CTBP2: variants seen among roughly 807,000 people sequenced by gnomAD.
The protein encoded by CTBP2 is C-terminal binding protein 2, also known as C-terminal-binding protein 2.
CTBP2 carries 30 observed loss-of-function variants against 80.3 expected under a neutral mutation model. The ratio of observed to expected loss-of-function variants is 0.37; its 90% CI spans 0.28 to 0.51. CTBP2 has a LOEUF of 0.51. Among genes scored for constraint, CTBP2 ranks in the 20% least tolerant of loss-of-function variants. The pLI is 0.93. For synonymous variants in CTBP2, 594 were observed against 587.4 expected (o/e 1.01, Z -0.16); for missense variants, 1,212 against 1,375.3 (o/e 0.88, Z 1.88).
At chr10:125,048,971 C>G (rs890172043) in intron 2 of CTBP2, among the ~76,000 whole-genome samples, 1 of 151,892 alleles carries the variant, frequency 6.6e-6, no homozygotes, top group Non-Finnish European at 1.5e-5. Flanking sequence ...ATTTTTCCAA[C>G]TTTCCCCAGG....
At chr10:125,007,589 T>C (rs1433564239) in intron 1 of CTBP2, among the ~76,000 whole-genome samples, 2 of 152,230 alleles carry the variant, frequency 1.3e-5, no homozygotes, top group Non-Finnish European at 2.9e-5. Context: ...GGGGAGCTGC[T>C]GCTTTCTCGG....
intron 1 of CTBP2, among the ~76,000 whole-genome samples, chr10:125,133,034 T>C (rs1856428578): frequency 6.6e-6 from 1 of 152,200 alleles, no homozygotes; most frequent in African/African-American, 2.4e-5. Flanking sequence ...GGCCTGCCTG[T>C]GGCCCACATC....
intron 1 of CTBP2, among the ~76,000 whole-genome samples, chr10:125,111,979 G>C (rs1368472302): frequency 1.3e-5 from 2 of 152,166 alleles, no homozygotes; most frequent in East Asian, 3.9e-4. Context: ...CCACGAGAGA[G>C]GGAAGAGGCA....
intron 1 of CTBP2, among the ~76,000 whole-genome samples, chr10:125,154,638 C>CCGAGTGT (rs962835530): frequency 2.0e-5 from 2 of 101,978 alleles, no homozygotes; most frequent in Non-Finnish European, 3.9e-5. Context: ...CTGGTTCTCA[C>CCGAGTGT]CGAGTGTCGT....
chr10:125,070,564 A>G (rs1308236952), intron 2 of CTBP2, among the ~76,000 whole-genome samples: 1 of 149,394 alleles, frequency 6.7e-6, no homozygotes, highest in Non-Finnish European at 1.5e-5. Context: ...CTAAAAAATG[A>G]TAATGATAAT....
intron 1 of CTBP2, among the ~76,000 whole-genome samples, chr10:125,120,542 A>G (rs1399194861): frequency 6.6e-6 from 1 of 151,980 alleles, no homozygotes; most frequent in Non-Finnish European, 1.5e-5. Flanking sequence ...ATGCACCACC[A>G]CGCCCAGCTA....
chr10:125,009,901 A>C (rs1052010241), intron 1 of CTBP2, among the ~76,000 whole-genome samples: 3 of 152,138 alleles, frequency 2.0e-5, no homozygotes, highest in Non-Finnish European at 4.4e-5. Flanking sequence ...TTGCTTTGTA[A>C]ACATGTTTAA....
chr10:125,102,092 T>C (rs80240756), intron 2 of CTBP2, among the ~76,000 whole-genome samples: 9,377 of 152,260 alleles, frequency 0.062, 295 homozygotes, highest in Non-Finnish European at 0.075. Context: ...TACTGTTTCA[T>C]TGAATCCCCA....
In CTBP2 at chr10:125,027,230, C is replaced by A. The variant is rs371252442; in HGVS notation, c.530G>T (p.Arg177Leu). Residue 177 changes from arginine to leucine, a missense_variant, in exon 1 of 9, where the codon CGG (arginine) becomes CTG (leucine). Physicochemically the swap from Arg to Leu is moderately radical, Grantham distance 102. This residue lies in a region of CTBP2 where 848 missense variants were observed against 782.3 expected (regional missense o/e 1.08). Transcript: ENST00000309035. ...AGATGCAGCCCTGCTCTGTGTCTGC[C>A]GCCCCTGAGGGATCATTTTACCTCC... 2 of 1,613,324 alleles carry A rather than the reference C, an allele frequency of 1.2e-6. No homozygotes were observed. The highest frequency in any genetic ancestry group is 1.7e-6 in the Non-Finnish European group (2 of 1,179,808).
chr10:124,995,887 T>A (rs1469367159), intron 4 of CTBP2, among the ~76,000 whole-genome samples: 1 of 151,454 alleles, frequency 6.6e-6, no homozygotes, highest in Non-Finnish European at 1.5e-5. Flanking sequence ...CCGCCTGCCT[T>A]CCCCCGTTCC....
At chr10:125,132,700 T>C (rs1158848657) in intron 1 of CTBP2, among the ~76,000 whole-genome samples, 1 of 152,190 alleles carries the variant, frequency 6.6e-6, no homozygotes, top group Non-Finnish European at 1.5e-5. Context: ...CTTATAAACT[T>C]ATTTGAATAA....
chr10:125,027,466 C>A lies in CTBP2; in HGVS notation c.294G>T (p.Val98=), dbSNP rs1957758832. Residue 98 remains valine (V), a synonymous_variant, in exon 1 of 9, where the codon GTG becomes GTT. Transcript: ENST00000309035. Reference sequence around the variant, plus strand: ...GCAGCAGGGGGCTGCGACCAGACATCACTGCCTGTCTGCTGTCGTAGAAGG... The same window carrying A: ...GCAGCAGGGGGCTGCGACCAGACATAACTGCCTGTCTGCTGTCGTAGAAGG... 1.2e-6 allele frequency: 2 copies of A among 1,614,070 alleles called. No homozygotes were observed. Among genetic ancestry groups the A allele is most frequent in the Admixed American group, 3.3e-5 (2 of 60,004 alleles).
At chr10:125,040,703 T>C (rs1157221553) in intron 2 of CTBP2, among the ~76,000 whole-genome samples, 2 of 150,882 alleles carry the variant, frequency 1.3e-5, no homozygotes, top group African/African-American at 2.5e-5. Context: ...GGGGTAGAAA[T>C]GAGGATAATG....
At chr10:125,005,886 G>C (rs929661925) in intron 1 of CTBP2, 3 of 1,531,022 alleles carry the variant, frequency 2.0e-6, no homozygotes, top group Non-Finnish European at 2.6e-6. Context: ...GGTTATCGGA[G>C]AGAGTGCCTG....
intron 2 of CTBP2, among the ~76,000 whole-genome samples, chr10:125,042,267 C>T (rs951276712): frequency 2.0e-5 from 3 of 152,218 alleles, no homozygotes; most frequent in Non-Finnish European, 4.4e-5. Context: ...CAATGACAGC[C>T]ACAGGCCCTC....
At chr10:125,096,245 T>C (rs1849528799) in intron 2 of CTBP2, among the ~76,000 whole-genome samples, 1 of 152,264 alleles carries the variant, frequency 6.6e-6, no homozygotes, top group South Asian at 2.1e-4. Context: ...TTACTATACT[T>C]CGTATTTCCT....
intron 1 of CTBP2, among the ~76,000 whole-genome samples, chr10:125,153,658 C>T (rs1860413101): frequency 1.3e-5 from 2 of 152,192 alleles, no homozygotes; most frequent in Admixed American, 6.5e-5. Flanking sequence ...TAGATTCTGG[C>T]CACTTACACC....
Position 125,073,562 on chromosome 10 carries a change from T to G in CTBP2, c.-101-34407A>C, listed in dbSNP as rs540088002. Among the ~76,000 whole-genome samples the G allele has an allele frequency of 3.5e-4, 53 of 152,332 alleles. 1 individual carries two copies. In the South Asian group the frequency reaches 0.011, roughly 31 times the overall value. ...GGCTGGTTTCTGCACCTCTTTCAAA[T>G]GGGATTTATTTTTTAAAGTAAGATA... On this transcript the variant is annotated intron_variant, in intron 2 of 10. Transcript: ENST00000337195.
chr10:125,077,213 C>A (rs1271542312), intron 2 of CTBP2, among the ~76,000 whole-genome samples: 5 of 152,200 alleles, frequency 3.3e-5, no homozygotes, highest in Admixed American at 6.5e-5. Flanking sequence ...AAGCGGAAAA[C>A]AAGCCACTGA....
Sources: allele counts gnomAD v4.1 joint callset (sites outside exome capture counted in the v4.1 genomes callset), GRCh38; gene constraint gnomAD v4.1.1; regional missense constraint gnomAD v4.1.1; transcripts MANE v1.5; gene names NCBI Gene and HGNC (gene_info 2026-07-23, HGNC 2026-07-21).